Variants in FBXO45 observed in about 807,000 individuals in gnomAD.
The protein encoded by FBXO45 is F-box protein 45, also known as F-box/SPRY domain-containing protein 1.
Under a neutral mutation model 25.5 loss-of-function variants are expected in FBXO45, and 3 were observed. The observed-to-expected ratio is 0.12, with a 90% CI of 0.05 to 0.30. FBXO45 has a LOEUF of 0.30. Among genes scored for constraint, FBXO45 ranks in the 10% least tolerant of loss-of-function variants. The pLI is 1.00. For synonymous variants in FBXO45, 155 were observed against 149.8 expected, an observed-to-expected ratio of 1.03 and a Z score of -0.25; for missense variants, 219 against 365.0, an observed-to-expected ratio of 0.60 and a Z score of 3.26.
At chr3:196,578,816 C>A (rs943493692) in intron 2 of FBXO45, among the ~76,000 whole-genome samples, 3 of 151,786 alleles carry the variant, frequency 2.0e-5, no homozygotes. Context: ...TTTTTTAAAG[C>A]TGATTAGCTA....
chr3:196,577,823 G>A lies in FBXO45; in HGVS notation c.675+14G>A, dbSNP rs1432817737. 6.5e-7 allele frequency: 1 copy of A among 1,536,294 alleles called. No homozygotes were observed. The highest frequency in any genetic ancestry group is 8.9e-7 in the Non-Finnish European group (1 of 1,126,052). ...CCAAAATATCAGGTGAGAAACTGGG[G>A]TTTTTCTCAAGTATGGGCCTTTGTC... On this transcript the variant is annotated intron_variant, in intron 2 of 2. Transcript: ENST00000311630.
At chr3:196,579,348 T>C (rs1427096677) in intron 2 of FBXO45, among the ~76,000 whole-genome samples, 3 of 152,190 alleles carry the variant, frequency 2.0e-5, no homozygotes, top group Non-Finnish European at 4.4e-5. Flanking sequence ...GTATAAAAGC[T>C]GGAAGGATTT....
chr3:196,577,273 A>G (rs1272841458), intron 1 of FBXO45, among the ~76,000 whole-genome samples, 180 bp from the exon 2 acceptor site: 1 of 152,140 alleles, frequency 6.6e-6, no homozygotes, highest in Non-Finnish European at 1.5e-5. Flanking sequence ...TTTATTTTTT[A>G]ATGTTATTTA....
chr3:196,568,889 G>T lies in FBXO45; in HGVS notation c.-96G>T. 1 of 917,580 alleles carries T rather than the reference G, an allele frequency of 1.1e-6. No homozygotes were observed. The highest frequency in any genetic ancestry group is 4.9e-5 in the South Asian group (1 of 20,518). The allele number at this position is 917,580 out of a possible 1,614,324, so 56.8% of individuals were successfully genotyped here. On this transcript the variant is annotated 5_prime_UTR_variant, in exon 1 of 3. Coordinates refer to ENST00000311630, the MANE Select transcript of FBXO45 (RefSeq NM_001105573.2). ...GTTGGCACTGACAGGGGCGGTGAGC[G>T]AGCCGCTCCGGTCTCCGGGCGAGGC...
intron 1 of FBXO45, among the ~76,000 whole-genome samples, chr3:196,574,373 AGTTGTCTCATAAAT>A (rs1735877975): frequency 6.6e-6 from 1 of 152,204 alleles, no homozygotes; most frequent in Non-Finnish European, 1.5e-5. Flanking sequence ...TCAAATTGCC[AGTTGTCTCATAAAT>A]GTTAAATGTT....
intron 1 of FBXO45, among the ~76,000 whole-genome samples, chr3:196,575,301 C>T (rs965907242): frequency 1.3e-5 from 2 of 151,786 alleles, no homozygotes; most frequent in African/African-American, 4.8e-5. Context: ...ATTCAAAATT[C>T]AAAAATTAGC....
chr3:196,578,029 C>A (rs1474554180), intron 2 of FBXO45, among the ~76,000 whole-genome samples: 1 of 75,678 alleles, frequency 1.3e-5, no homozygotes, highest in Non-Finnish European at 2.6e-5. Context: ...TTGATTTTGG[C>A]TATGCAGAAA....
rs555949328 is a variant in FBXO45 at position 196,588,402 on chromosome 3, T to C, written c.*4084T>C. ...TAAAGGTTAGCATTGAAAAGATTAC[T>C]TTCCAGAAATTGAGACCACCACAGT... is the stretch of plus-strand genomic sequence containing the variant. On this transcript the variant is annotated 3_prime_UTR_variant, in exon 3 of 3. Coordinates refer to ENST00000311630, the MANE Select transcript of FBXO45 (RefSeq NM_001105573.2). This position sits in a 1 kb window ranked among gnomAD's most constrained non-coding sequence, Gnocchi z 4.2. The C allele has an allele frequency of 2.0e-5, 3 of 152,258 alleles. No individual in the cohort carries two copies. In the East Asian group the frequency reaches 5.8e-4, roughly 29 times the overall value. The allele number at this position is 152,258 out of a possible 1,614,324, so 9.4% of individuals were successfully genotyped here.
rs1464928554 is a variant in FBXO45 at position 196,585,731 on chromosome 3, ATC to A, written c.*1415_*1416del. The A allele has an allele frequency of 2.0e-5, 3 of 152,386 alleles. No individual in the cohort carries two copies. The highest frequency in any genetic ancestry group is 3.9e-4 in the East Asian group (2 of 5,194). 9.4% of individuals were successfully genotyped at this position (152,386 alleles called of 1,614,324 possible). A position where few individuals can be genotyped will look rare whatever the true frequency, so the allele number is the denominator to read the frequency against. On this transcript the variant is annotated 3_prime_UTR_variant, in exon 3 of 3. Transcript: ENST00000311630. ...TTCTTTTGTTAGAAAAGAAACAGAC[ATC>A]TTTCTGTATGAAAGTATAAATTGTA...
Position 196,588,824 on chromosome 3 carries a change from G to A in FBXO45, c.*4506G>A, listed in dbSNP as rs902370723. 1.3e-5 allele frequency: 2 copies of A among 152,158 alleles called. No individual in the cohort carries two copies. Among genetic ancestry groups the A allele is most frequent in the Non-Finnish European group, 2.9e-5 (2 of 68,024 alleles). The allele number at this position is 152,158 out of a possible 1,614,324, so 9.4% of individuals were successfully genotyped here. Reference sequence around the variant, plus strand: ...AGAAGCAAAAATTATAGTAGCAAAAGATGAATGAGAAATTCTGTTCTAGTC... The same window carrying A: ...AGAAGCAAAAATTATAGTAGCAAAAAATGAATGAGAAATTCTGTTCTAGTC... On this transcript the variant is annotated 3_prime_UTR_variant, in exon 3 of 3. Transcript: ENST00000311630. The surrounding 1 kb of genome is among the most constrained non-coding windows in gnomAD (Gnocchi z 4.2).
chr3:196,584,045 A>G lies in FBXO45; in HGVS notation c.676-88A>G. ...AGATAGCTTTCAGGATAATATTCTT[A>G]ATATTTTCAACTTCTTGATTTGTGT... On this transcript the variant is annotated intron_variant, in intron 2 of 2. Transcript: ENST00000311630. This position sits in a 1 kb window ranked among gnomAD's most constrained non-coding sequence, Gnocchi z 4.3. The G allele has an allele frequency of 8.0e-7, 1 of 1,244,306 alleles. No homozygotes were observed. The highest frequency in any genetic ancestry group is 2.4e-5 in the Admixed American group (1 of 42,244). The allele number at this position is 1,244,306 out of a possible 1,614,324, so 77.1% of individuals were successfully genotyped here. A position where few individuals can be genotyped will look rare whatever the true frequency, so the allele number is the denominator to read the frequency against.
In FBXO45 at chr3:196,568,824, A is replaced by T; in HGVS notation, c.-161A>T. On this transcript the variant is annotated 5_prime_UTR_variant, in exon 1 of 3. Coordinates refer to ENST00000311630, the MANE Select transcript of FBXO45 (RefSeq NM_001105573.2). ...CTCAGTGAGGCGGGGCGCGCGGCGG[A>T]CGCCCCCGGGCAGGGGCGGGAGTGG... 1 of 319,170 alleles carries T rather than the reference A, an allele frequency of 3.1e-6. No individual in the cohort carries two copies. Among genetic ancestry groups the T allele is most frequent in the Non-Finnish European group, 4.5e-6 (1 of 221,092 alleles). The allele number at this position is 319,170 out of a possible 1,614,324, so 19.8% of individuals were successfully genotyped here. A position where few individuals can be genotyped will look rare whatever the true frequency, so the allele number is the denominator to read the frequency against.
chr3:196,574,734 G>T (rs1383615985), intron 1 of FBXO45, among the ~76,000 whole-genome samples: 1 of 152,236 alleles, frequency 6.6e-6, no homozygotes, highest in Non-Finnish European at 1.5e-5. Flanking sequence ...ACGTGGCACA[G>T]AAAGTGGTGG....
intron 1 of FBXO45, among the ~76,000 whole-genome samples, chr3:196,570,424 T>C (rs998814504): frequency 6.6e-6 from 1 of 151,236 alleles, no homozygotes; most frequent in Admixed American, 6.6e-5. Flanking sequence ...TTTAGTAGAG[T>C]TGTGGTTTCT....
In FBXO45 at chr3:196,586,709, A is replaced by T. The variant is rs1350866758; in HGVS notation, c.*2391A>T. 1 of 152,202 alleles carries T rather than the reference A, an allele frequency of 6.6e-6. No homozygotes were observed. Among genetic ancestry groups the T allele is most frequent in the East Asian group, 1.9e-4 (1 of 5,200 alleles). 9.4% of individuals were successfully genotyped at this position (152,202 alleles called of 1,614,324 possible). On this transcript the variant is annotated 3_prime_UTR_variant, in exon 3 of 3. Transcript: ENST00000311630. ...CAGTGGTTCTCAGTGTTGGCTGTAT[A>T]CACTTTGTAGTCACTTTGGAATGTT...
chr3:196,574,264 T>C (rs1461174098), intron 1 of FBXO45, among the ~76,000 whole-genome samples: 1 of 152,128 alleles, frequency 6.6e-6, no homozygotes, highest in East Asian at 1.9e-4. Context: ...GTTTCCAGTA[T>C]CTGTTTCTAA....
intron 1 of FBXO45, among the ~76,000 whole-genome samples, chr3:196,575,025 G>T (rs1440524470): frequency 2.0e-5 from 3 of 152,182 alleles, no homozygotes; most frequent in African/African-American, 7.2e-5. Context: ...GTTTTAGAAA[G>T]ACAGGTTTGG....
rs1345174415 is a variant in FBXO45 at position 196,584,762 on chromosome 3, T to G, written c.*444T>G. On this transcript the variant is annotated 3_prime_UTR_variant, in exon 3 of 3. Transcript: ENST00000311630. This position sits in a 1 kb window ranked among gnomAD's most constrained non-coding sequence, Gnocchi z 4.3. ...TAGAAAAGTATGAAACTGGTTGGGT[T>G]TTATTTAATATTTTTAATATATTGA... is the stretch of plus-strand genomic sequence containing the variant. The G allele has an allele frequency of 6.5e-6, 1 of 152,692 alleles. No homozygotes were observed. The highest frequency in any genetic ancestry group is 2.4e-5 in the African/African-American group (1 of 41,452). The allele number at this position is 152,692 out of a possible 1,614,324, so 9.5% of individuals were successfully genotyped here.
intron 2 of FBXO45, 126 bp downstream of exon 2, chr3:196,577,935 TATTTTTTC>T: frequency 1.8e-6 from 1 of 565,498 alleles, no homozygotes; most frequent in Non-Finnish European, 2.7e-6. Context: ...ATTATTTTTT[TATTTTTTC>T]AGATACCCAG....
Sources: allele counts gnomAD v4.1 joint callset (sites outside exome capture counted in the v4.1 genomes callset), GRCh38; gene constraint gnomAD v4.1.1; non-coding constraint Gnocchi (gnomAD v3.1); transcripts MANE v1.5; gene names NCBI Gene and HGNC (gene_info 2026-07-23, HGNC 2026-07-21).